TMED10: variants seen among roughly 807,000 people sequenced by gnomAD.
The protein encoded by TMED10 is transmembrane emp24 domain-containing protein 10.
Under a neutral mutation model 23.1 loss-of-function variants are expected in TMED10, and 7 were observed. That is an observed-to-expected ratio of 0.30 (90% CI 0.17 to 0.57). The LOEUF (loss-of-function observed/expected upper bound fraction) is 0.57. Ranked by LOEUF, TMED10 falls within the 20% of genes least tolerant of loss-of-function variation. TMED10 has a pLI of 0.91. For synonymous variants in TMED10, 113 were observed against 106.9 expected (o/e 1.06, Z -0.35); for missense variants, 162 against 274.8 (o/e 0.59, Z 2.90).
chr14:75,161,528 A>G (rs2139852103), intron 1 of TMED10, among the ~76,000 whole-genome samples: 1 of 152,334 alleles, frequency 6.6e-6, no homozygotes, highest in Middle Eastern at 3.4e-3. Flanking sequence ...ACCACGAACA[A>G]CAATTTATCA....
chr14:75,139,854 C>T (rs1895800083), intron 3 of TMED10, among the ~76,000 whole-genome samples: 1 of 152,108 alleles, frequency 6.6e-6, no homozygotes, highest in Non-Finnish European at 1.5e-5. Context: ...CCATTCCAAA[C>T]ACCTAGTACA....
rs780185599 is a variant in TMED10 at position 75,152,102 on chromosome 14, A to T, written c.267T>A (p.Asp89Glu). 1 of 1,614,006 alleles carries T rather than the reference A, an allele frequency of 6.2e-7. No homozygotes were observed. The highest frequency in any genetic ancestry group is 8.5e-7 in the Non-Finnish European group (1 of 1,179,958). ...TAAAGGCAAATTTCCCCTTGGTTGC[A>T]TCCTCTTTGGAGTAGAGAATATGGC... ...SAGHILYSKE[D>E]ATKGKFAFTT... Residue 89 changes from aspartate to glutamate, a missense_variant, in exon 2 of 5, where the codon GAT becomes GAA. This residue lies in a region of TMED10 where 126 missense variants were observed against 239.5 expected (regional missense o/e 0.53). Transcript: ENST00000303575.
chr14:75,158,011 T>C (rs1296191949), intron 1 of TMED10, among the ~76,000 whole-genome samples: 2 of 152,122 alleles, frequency 1.3e-5, no homozygotes, highest in African/African-American at 2.4e-5. Flanking sequence ...ACCCACTCTC[T>C]TTCTGCATCC....
chr14:75,160,612 G>A (rs1056469202), intron 1 of TMED10, among the ~76,000 whole-genome samples: 1 of 151,864 alleles, frequency 6.6e-6, no homozygotes, highest in Non-Finnish European at 1.5e-5. Flanking sequence ...ACTTATAATA[G>A]TGATAATAAA....
At chr14:75,163,552 C>CAAAAAAAA (rs758185921) in intron 1 of TMED10, among the ~76,000 whole-genome samples, 6 of 60,786 alleles carry the variant, frequency 9.9e-5, no homozygotes, top group African/African-American at 1.8e-4. Flanking sequence ...GACTCCGTAT[C>CAAAAAAAA]AAAAAAAAAA....
At chr14:75,143,413 T>C (rs1895846838) in intron 3 of TMED10, among the ~76,000 whole-genome samples, 1 of 152,168 alleles carries the variant, frequency 6.6e-6, no homozygotes, top group Non-Finnish European at 1.5e-5. Context: ...GAAAAGGTAT[T>C]AATTCTCTGA....
chr14:75,153,830 C>T (rs1055793254), intron 1 of TMED10, among the ~76,000 whole-genome samples: 34 of 135,896 alleles, frequency 2.5e-4, no homozygotes, highest in Non-Finnish European at 4.4e-4. Context: ...AGTGCAGTGG[C>T]GTGATCTCGG....
At chr14:75,139,099 T>G (rs1051110814) in intron 3 of TMED10, 2 of 447,408 alleles carry the variant, frequency 4.5e-6, no homozygotes, top group Non-Finnish European at 8.9e-6. Context: ...ATTCCCACAT[T>G]GCTTTCCAGA....
chr14:75,139,240 T>C, intron 3 of TMED10: 1 of 411,242 alleles, frequency 2.4e-6, no homozygotes, highest in Non-Finnish European at 4.8e-6. Flanking sequence ...ACTACACACA[T>C]TGTTCTATAG....
At chr14:75,150,921 G>T (rs779497408) in intron 2 of TMED10, among the ~76,000 whole-genome samples, 2 of 151,784 alleles carry the variant, frequency 1.3e-5, no homozygotes, top group Admixed American at 6.6e-5. Flanking sequence ...TGTTTGTTTT[G>T]AGACAGAGTC....
chr14:75,136,532 A>G (rs1299387827), intron 3 of TMED10, among the ~76,000 whole-genome samples: 2 of 152,208 alleles, frequency 1.3e-5, no homozygotes, highest in African/African-American at 4.8e-5. Context: ...TGTTAATACA[A>G]TAAATGTGGG....
intron 2 of TMED10, among the ~76,000 whole-genome samples, chr14:75,148,453 T>TA (rs1445648589): frequency 2.0e-5 from 3 of 151,000 alleles, no homozygotes; most frequent in Middle Eastern, 3.5e-3. Flanking sequence ...CTTCTTATAA[T>TA]AGAGTTCATG....
At chr14:75,169,311 A>G (rs1896201062) in intron 1 of TMED10, among the ~76,000 whole-genome samples, 2 of 152,232 alleles carry the variant, frequency 1.3e-5, no homozygotes, top group South Asian at 4.1e-4. Flanking sequence ...TCCTAGACAG[A>G]AAGAAGGTGA....
At chr14:75,135,935 C>A in intron 3 of TMED10, 49 bp from the exon 4 acceptor site, 1 of 1,600,674 alleles carries the variant, frequency 6.2e-7, no homozygotes, top group South Asian at 1.1e-5. Context: ...TCGCTTCAGT[C>A]AAGAACATAA....
chr14:75,142,006 A>G (rs981335210), intron 3 of TMED10, among the ~76,000 whole-genome samples: 2 of 152,232 alleles, frequency 1.3e-5, no homozygotes, highest in African/African-American at 2.4e-5. Context: ...CCTCAATATC[A>G]AAATTCCCAC....
At position 75,134,779 on chromosome 14, in the gene TMED10, C is replaced by G. The variant is rs1895727420; in HGVS notation, c.*106G>C. 1 of 1,504,710 alleles carries G rather than the reference C, an allele frequency of 6.6e-7. No individual in the cohort carries two copies. Among genetic ancestry groups the G allele is most frequent in the Non-Finnish European group, 9.1e-7 (1 of 1,098,244 alleles). 93.2% of individuals were successfully genotyped at this position (1,504,710 alleles called of 1,614,324 possible). The stretch of plus-strand genomic sequence containing the variant: ...AGAGATCAGTTCTGGCAAGAAAGCT[C>G]CAACGTGCCTTGATGGTGCTGTTGG... On this transcript the variant is annotated 3_prime_UTR_variant, in exon 5 of 5. Transcript: ENST00000303575.
chr14:75,135,469 T>C (rs926851533), intron 4 of TMED10, among the ~76,000 whole-genome samples: 5 of 152,194 alleles, frequency 3.3e-5, no homozygotes, highest in Middle Eastern at 6.8e-3. Context: ...AAAATAAAAG[T>C]TCATTATCCT....
rs1247182262 is a variant in TMED10, at chr14:75,152,032, C to T, written c.337G>A (p.Gly113Arg). The change falls in exon 2 of 5, where the codon GGA becomes AGA. Residue 113 changes from glycine (G) to arginine (R), a missense_variant and splice_region_variant. By Grantham distance (125) the Gly-to-Arg change is moderately radical. This residue lies in a region of TMED10 where 126 missense variants were observed against 239.5 expected (regional missense o/e 0.53). Coordinates refer to ENST00000303575, the MANE Select transcript of TMED10 (RefSeq NM_006827.6). ...CAGAGAAACACTCTTGATTACTCACCCTTGCTCTCAAAACACACTTCAAAC... is the reference window on the plus strand; with the variant it reads ...CAGAGAAACACTCTTGATTACTCACTCTTGCTCTCAAAACACACTTCAAAC... ...DMFEVCFESKGTGRIPDQLVI... is the reference protein window; with the variant it reads ...DMFEVCFESKRTGRIPDQLVI... 2 of 1,612,904 alleles carry T rather than the reference C, an allele frequency of 1.2e-6. No individual in the cohort carries two copies. The highest frequency in any genetic ancestry group is 2.2e-5 in the East Asian group (1 of 44,824).
At chr14:75,147,882 G>C in intron 2 of TMED10, 145 bp from the exon 3 acceptor site, 1 of 717,600 alleles carries the variant, frequency 1.4e-6, no homozygotes, top group Non-Finnish European at 2.3e-6. Context: ...CTCAGTTGCA[G>C]AAAATTCCTG....
Sources: allele counts gnomAD v4.1 joint callset (sites outside exome capture counted in the v4.1 genomes callset), GRCh38; gene constraint gnomAD v4.1.1; regional missense constraint gnomAD v4.1.1; transcripts MANE v1.5; gene names NCBI Gene and HGNC (gene_info 2026-07-23, HGNC 2026-07-21).